Variants in SYNPR observed in about 807,000 individuals in gnomAD.
SYNPR encodes synaptoporin.
A neutral mutation model predicts 32.9 loss-of-function variants in SYNPR; 23 were observed. The observed-to-expected ratio is 0.70, with a 90% CI of 0.50 to 0.99. SYNPR has a LOEUF of 0.99. Ranked by LOEUF, SYNPR falls within the 50% of genes least tolerant of loss-of-function variation. The pLI, the probability that SYNPR is intolerant of heterozygous loss-of-function variation, is 0.00. For synonymous variants in SYNPR, 146 were observed against 135.9 expected (o/e 1.07, Z -0.52); for missense variants, 318 against 349.3 (o/e 0.91, Z 0.71).
At chr3:63,554,684 C>G (rs1006878344) in intron 3 of SYNPR, among the ~76,000 whole-genome samples, 1 of 150,944 alleles carries the variant, frequency 6.6e-6, no homozygotes, top group South Asian at 2.1e-4. Flanking sequence ...ACTGTTTTGG[C>G]TATTCAGGCT....
Position 63,278,319 on chromosome 3 carries a change from A to C in SYNPR, c.-215A>C. The C allele has an allele frequency of 1.7e-6, 1 of 596,376 alleles. No individual in the cohort carries two copies. The highest frequency in any genetic ancestry group is 3.0e-6 in the Non-Finnish European group (1 of 337,062). The allele number at this position is 596,376 out of a possible 1,614,324, so 36.9% of individuals were successfully genotyped here. A position where few individuals can be genotyped will look rare whatever the true frequency, so the allele number is the denominator to read the frequency against. On this transcript the variant is annotated 5_prime_UTR_variant, in exon 1 of 6. Coordinates refer to ENST00000478300, the MANE Select transcript of SYNPR (RefSeq NM_001130003.2). ...GCTCTTCCCTGCCCACCCCTCGCTG[A>C]CTCGCTTCGCTTCCCCGACGCGCTG...
intron 2 of SYNPR, among the ~76,000 whole-genome samples, chr3:63,417,259 C>A (rs2088554148): frequency 6.6e-6 from 1 of 152,224 alleles, no homozygotes; most frequent in African/African-American, 2.4e-5. Context: ...CTTAAAGCTC[C>A]AAAATGATCT....
chr3:63,431,835 C>CA (rs797003346), intron 2 of SYNPR, among the ~76,000 whole-genome samples: 3 of 144,594 alleles, frequency 2.1e-5, no homozygotes, highest in Non-Finnish European at 3.0e-5. Flanking sequence ...TTTCCCTTTT[C>CA]TTTTTTTTTT....
chr3:63,342,731 A>G (rs1328200708), intron 2 of SYNPR, among the ~76,000 whole-genome samples: 2 of 152,144 alleles, frequency 1.3e-5, no homozygotes, highest in Non-Finnish European at 2.9e-5. Context: ...TTCTGATGAA[A>G]CCATCTGGGA....
chr3:63,283,258 C>T (rs1403452548), intron 2 of SYNPR, among the ~76,000 whole-genome samples: 6 of 152,142 alleles, frequency 3.9e-5, no homozygotes, highest in Admixed American at 6.5e-5. Context: ...ACTTTATTTA[C>T]GTGTTCTTTC....
chr3:63,579,788 AACACACACACACACACACACAC>A, intron 4 of SYNPR, among the ~76,000 whole-genome samples: 1 of 146,186 alleles, frequency 6.8e-6, no homozygotes, highest in South Asian at 2.2e-4. Context: ...ATTTAACTAA[AACACACACACACACACACACAC>A]ACACACACAC....
intron 3 of SYNPR, among the ~76,000 whole-genome samples, chr3:63,510,129 G>T (rs6769577): frequency 6.6e-6 from 1 of 151,796 alleles, no homozygotes; most frequent in Non-Finnish European, 1.5e-5. Flanking sequence ...AATAAGGGGG[G>T]AACAAAAATT....
intron 2 of SYNPR, among the ~76,000 whole-genome samples, chr3:63,309,398 GC>G (rs1363057982): frequency 6.6e-6 from 1 of 151,998 alleles, no homozygotes; most frequent in East Asian, 1.9e-4. Context: ...TTGATTGGAT[GC>G]CAGATACTTT....
intron 2 of SYNPR, among the ~76,000 whole-genome samples, chr3:63,300,235 G>C (rs1055436849): frequency 3.3e-5 from 5 of 151,986 alleles, no homozygotes; most frequent in African/African-American, 4.8e-5. Context: ...TTATACTTTG[G>C]CAATTGGCTT....
chr3:63,260,170 A>C (rs1195940291), intron 2 of SYNPR, among the ~76,000 whole-genome samples: 8 of 152,286 alleles, frequency 5.3e-5, no homozygotes, highest in Admixed American at 3.3e-4. Context: ...GATTCAATGC[A>C]ATCTCCATCA....
At chr3:63,258,481 T>C (rs2086407646) in intron 2 of SYNPR, among the ~76,000 whole-genome samples, 1 of 152,180 alleles carries the variant, frequency 6.6e-6, no homozygotes. Flanking sequence ...ACTGGGTACA[T>C]ACCGAAATGA....
intron 2 of SYNPR, among the ~76,000 whole-genome samples, chr3:63,345,901 A>G (rs1163790069): frequency 6.6e-6 from 1 of 151,650 alleles, no homozygotes; most frequent in Non-Finnish European, 1.5e-5. Context: ...TGCAACCTCC[A>G]TCTCCCAAGT....
chr3:63,545,986 G>A (rs772307846), intron 3 of SYNPR, among the ~76,000 whole-genome samples: 73 of 151,938 alleles, frequency 4.8e-4, no homozygotes, highest in Admixed American at 1.8e-3. Flanking sequence ...GTTGTCAACC[G>A]GACATTCAAA....
intron 5 of SYNPR, among the ~76,000 whole-genome samples, chr3:63,609,828 T>A (rs758310270): frequency 3.9e-5 from 6 of 152,152 alleles, no homozygotes; most frequent in Non-Finnish European, 7.3e-5. Context: ...GAGAATCGCT[T>A]GAACCCAGGA....
At chr3:63,324,628 G>C (rs1356188098) in intron 2 of SYNPR, among the ~76,000 whole-genome samples, 1 of 152,122 alleles carries the variant, frequency 6.6e-6, no homozygotes. Flanking sequence ...ACTAAGAGGA[G>C]AGAAAGGAAA....
chr3:63,544,528 C>G (rs1445475187), intron 3 of SYNPR, among the ~76,000 whole-genome samples: 1 of 151,910 alleles, frequency 6.6e-6, no homozygotes, highest in Non-Finnish European at 1.5e-5. Flanking sequence ...AATTTCCTAC[C>G]CAGCAAGAGT....
At chr3:63,439,954 C>A (rs1700139834) in intron 2 of SYNPR, among the ~76,000 whole-genome samples, 1 of 152,064 alleles carries the variant, frequency 6.6e-6, no homozygotes, top group Non-Finnish European at 1.5e-5. Flanking sequence ...TCTGAAACAC[C>A]AAGGATATGG....
chr3:63,608,942 A>G (rs1700160105), intron 4 of SYNPR, among the ~76,000 whole-genome samples, 183 bp from the exon 5 acceptor site: 1 of 152,130 alleles, frequency 6.6e-6, no homozygotes, highest in Non-Finnish European at 1.5e-5. Context: ...TATTTTATAG[A>G]AAGATAAATA....
intron 3 of SYNPR, among the ~76,000 whole-genome samples, chr3:63,521,082 A>T (rs1701905234): frequency 6.6e-6 from 1 of 152,224 alleles, no homozygotes; most frequent in Admixed American, 6.5e-5. Context: ...GATACACAGC[A>T]GAACTTCCCC....
Sources: allele counts gnomAD v4.1 joint callset (sites outside exome capture counted in the v4.1 genomes callset), GRCh38; gene constraint gnomAD v4.1.1; transcripts MANE v1.5; gene names NCBI Gene and HGNC (gene_info 2026-07-23, HGNC 2026-07-21).